CFAP276: variants seen among roughly 807,000 people sequenced by gnomAD.
The protein encoded by CFAP276 is cilia- and flagella-associated protein 276.
chr1:109,106,649 G>A, the CFAP276 span: 2 of 1,613,912 alleles, frequency 1.2e-6, no homozygotes. Context: ...CCAGGGAATT[G>A]GATCTTGGTT....
chr1:109,107,879 C>T, the CFAP276 span: 2 of 1,515,240 alleles, frequency 1.3e-6, no homozygotes, highest in Non-Finnish European at 1.8e-6. Context: ...AAAAAAAGCC[C>T]TAAACGGCTG....
At chr1:109,107,137 C>G in the CFAP276 span, 1 of 1,602,948 alleles carries the variant, frequency 6.2e-7, no homozygotes, top group Non-Finnish European at 8.5e-7. Context: ...AGAAGTCAGT[C>G]CCCCCCAAGG....
the CFAP276 span, among the ~76,000 whole-genome samples, chr1:109,113,252 G>T: frequency 0.013 from 1,983 of 152,018 alleles, 45 homozygotes; most frequent in African/African-American, 0.045. Flanking sequence ...AATTAGCTGG[G>T]CTTGGTGGCA....
the CFAP276 span, among the ~76,000 whole-genome samples, chr1:109,112,116 T>C: frequency 6.6e-6 from 1 of 152,294 alleles, no homozygotes; most frequent in South Asian, 2.1e-4. Flanking sequence ...AAAAAGATCA[T>C]CTAAGTTCCG....
chr1:109,110,627 T>A, the CFAP276 span, among the ~76,000 whole-genome samples: 2 of 152,162 alleles, frequency 1.3e-5, no homozygotes, highest in Non-Finnish European at 2.9e-5. Context: ...AGGGTCTCAT[T>A]TTTACTTTTC....
At chr1:109,107,048 A>G in the CFAP276 span, 71 of 1,614,098 alleles carry the variant, frequency 4.4e-5, no homozygotes, top group East Asian at 1.0e-3. Flanking sequence ...ACAGTATCTC[A>G]CTTTTGTTCT....
chr1:109,107,033 G>C, the CFAP276 span: 2 of 1,614,120 alleles, frequency 1.2e-6, no homozygotes, highest in Admixed American at 1.7e-5. Context: ...TGGTTTTCTG[G>C]TTTAACAGTA....
the CFAP276 span, among the ~76,000 whole-genome samples, chr1:109,110,361 TCTGCCTCAAGCACCC>T: frequency 6.6e-6 from 1 of 152,182 alleles, no homozygotes; most frequent in Non-Finnish European, 1.5e-5. Context: ...CAGTCTGGCC[TCTGCCTCAAGCACCC>T]CCTAAAACTG....
chr1:109,111,967 G>A, the CFAP276 span, among the ~76,000 whole-genome samples: 2 of 152,268 alleles, frequency 1.3e-5, no homozygotes, highest in East Asian at 1.9e-4. Flanking sequence ...TATCCTTGGC[G>A]TTTAGCAGAG....
At chr1:109,108,930 T>C in the CFAP276 span, among the ~76,000 whole-genome samples, 2 of 152,154 alleles carry the variant, frequency 1.3e-5, no homozygotes, top group Non-Finnish European at 2.9e-5. Context: ...GGAAGGGTCA[T>C]TGATTGCAGG....
chr1:109,106,890 A>G, the CFAP276 span: 1 of 923,052 alleles, frequency 1.1e-6, no homozygotes, highest in Non-Finnish European at 1.7e-6. Context: ...ATGTAAAAAT[A>G]CAGAAATTTG....
the CFAP276 span, among the ~76,000 whole-genome samples, chr1:109,112,918 G>GC: frequency 0.34 from 51,993 of 152,024 alleles, 10,976 homozygotes; most frequent in African/African-American, 0.59. Context: ...CGCTGAGCGG[G>GC]CCCGAGACTT....
At chr1:109,106,840 C>G in the CFAP276 span, 4 of 893,994 alleles carry the variant, frequency 4.5e-6, no homozygotes, top group Middle Eastern at 5.3e-4. Flanking sequence ...TTCTGTTCAT[C>G]TTAGACAGTG....
chr1:109,113,639 C>G, the CFAP276 span: 1 of 1,614,014 alleles, frequency 6.2e-7, no homozygotes, highest in Non-Finnish European at 8.5e-7. Flanking sequence ...GTACTGGGGC[C>G]TCTTCCAGGC....
At chr1:109,105,991 TATGTTTCACTATAATTAGTTC>T in the CFAP276 span, 1 of 1,539,398 alleles carries the variant, frequency 6.5e-7, no homozygotes, top group Non-Finnish European at 8.9e-7. Flanking sequence ...TGGGCCGCAG[TATGTTTCACTATAATTAGTTC>T]AGGGATCTGT....
At chr1:109,107,887 C>G in the CFAP276 span, 2 of 1,521,910 alleles carry the variant, frequency 1.3e-6, no homozygotes, top group Non-Finnish European at 1.8e-6. Flanking sequence ...CCCTAAACGG[C>G]TGCAAAGAGG....
chr1:109,107,203 C>G, the CFAP276 span: 1 of 1,055,978 alleles, frequency 9.5e-7, no homozygotes, highest in Admixed American at 1.9e-5. Context: ...CTCTACTCTT[C>G]CCCAAAAGTA....
chr1:109,112,730 G>A, the CFAP276 span: 1 of 1,543,890 alleles, frequency 6.5e-7, no homozygotes, highest in Non-Finnish European at 8.7e-7. Flanking sequence ...CTCAGCCGCA[G>A]CACAGCCTCA....
chr1:109,107,646 C>CG, the CFAP276 span, among the ~76,000 whole-genome samples: 2 of 151,524 alleles, frequency 1.3e-5, no homozygotes, highest in African/African-American at 4.9e-5. Context: ...CCCAGCACTT[C>CG]GGGAGGCTGA....
Sources: allele counts gnomAD v4.1 joint callset (sites outside exome capture counted in the v4.1 genomes callset), GRCh38; gene constraint gnomAD v4.1.1; transcripts MANE v1.5; gene names NCBI Gene and HGNC (gene_info 2026-07-23, HGNC 2026-07-21).